The following ROBO2 variants were observed in gnomAD, a reference collection of about 807,000 sequenced individuals.
The protein encoded by ROBO2 is roundabout homolog 2.
A neutral mutation model predicts 160.8 loss-of-function variants in ROBO2; 53 were observed. The ratio of observed to expected loss-of-function variants is 0.33; its 90% CI spans 0.26 to 0.41. The LOEUF (loss-of-function observed/expected upper bound fraction) is 0.41, where lower values mean the gene tolerates loss of function less well. Ranked by LOEUF, ROBO2 falls within the 10% of genes least tolerant of loss-of-function variation. The pLI, the probability that ROBO2 is intolerant of heterozygous loss-of-function variation, is 1.00. For synonymous variants in ROBO2, 664 were observed against 611.7 expected (o/e 1.09, Z -1.26); for missense variants, 1,577 against 1,722.4 (o/e 0.92, Z 1.49).
At chr3:77,423,876 A>G (rs77531466) in intron 2 of ROBO2, among the ~76,000 whole-genome samples, 4,171 of 152,266 alleles carry the variant, frequency 0.027, 89 homozygotes, top group East Asian at 0.077. Context: ...ATTTGTATCT[A>G]TAGAGCTTAT....
chr3:76,747,616 T>C (rs963169606), intron 2 of ROBO2, among the ~76,000 whole-genome samples: 5 of 151,994 alleles, frequency 3.3e-5, no homozygotes, highest in African/African-American at 1.2e-4. Flanking sequence ...GTTAAGAATT[T>C]TAAATTTAAA....
At chr3:76,664,816 G>A (rs552815919) in intron 2 of ROBO2, among the ~76,000 whole-genome samples, 10 of 152,218 alleles carry the variant, frequency 6.6e-5, no homozygotes, top group African/African-American at 2.4e-4. Context: ...AATTAAAAGT[G>A]GTCAAAGCAA....
intron 2 of ROBO2, among the ~76,000 whole-genome samples, chr3:77,034,379 A>T (rs890334973): frequency 3.8e-5 from 3 of 79,466 alleles, no homozygotes; most frequent in African/African-American, 7.3e-5. Context: ...ATTCTTTGTT[A>T]AAAAAAAAAA....
At chr3:76,626,036 C>T (rs1015316698) in intron 2 of ROBO2, among the ~76,000 whole-genome samples, 7 of 152,064 alleles carry the variant, frequency 4.6e-5, no homozygotes, top group Admixed American at 3.9e-4. Context: ...TACTTTGCAT[C>T]AGCTTGTATT....
chr3:76,995,711 G>A (rs1265870250), intron 2 of ROBO2, among the ~76,000 whole-genome samples: 1 of 152,148 alleles, frequency 6.6e-6, no homozygotes, highest in Non-Finnish European at 1.5e-5. Flanking sequence ...GTGATGATGA[G>A]CATTTTTTCA....
chr3:77,255,247 G>C (rs989135897), intron 2 of ROBO2, among the ~76,000 whole-genome samples: 2 of 152,140 alleles, frequency 1.3e-5, no homozygotes, highest in Admixed American at 6.6e-5. Context: ...TTTCTTAAAG[G>C]CACCTGTAAA....
At chr3:77,163,675 C>G (rs565653577) in intron 2 of ROBO2, among the ~76,000 whole-genome samples, 2 of 152,264 alleles carry the variant, frequency 1.3e-5, no homozygotes, top group African/African-American at 4.8e-5. Flanking sequence ...CTCAACCTGA[C>G]TGACAATTCT....
intron 2 of ROBO2, among the ~76,000 whole-genome samples, chr3:76,014,222 G>C (rs906653538): frequency 8.2e-6 from 1 of 122,686 alleles, no homozygotes; most frequent in African/African-American, 3.7e-5. Context: ...ATGTATAAAG[G>C]CATTTGACGG....
chr3:76,563,399 T>C (rs569365447), intron 2 of ROBO2, among the ~76,000 whole-genome samples: 47 of 152,300 alleles, frequency 3.1e-4, no homozygotes, highest in African/African-American at 1.1e-3. Context: ...ACATGTTTGA[T>C]TGCTGCTTGT....
At chr3:77,443,341 G>T (rs1464902266) in intron 2 of ROBO2, among the ~76,000 whole-genome samples, 6 of 151,456 alleles carry the variant, frequency 4.0e-5, no homozygotes, top group Admixed American at 6.6e-5. Context: ...AATAAATTCA[G>T]CTTAACATGG....
At chr3:76,222,760 C>T (rs925093326) in intron 2 of ROBO2, among the ~76,000 whole-genome samples, 1 of 146,280 alleles carries the variant, frequency 6.8e-6, no homozygotes, top group Admixed American at 6.8e-5. Context: ...TTATCCCACA[C>T]TTTTTTTTTT....
At position 77,350,486 on chromosome 3, in the gene ROBO2, C is replaced by T. The variant is rs1362864728; in HGVS notation, c.389-126928C>T. On this transcript the variant is annotated intron_variant, in intron 2 of 25. Coordinates refer to ENST00000461745, the Ensembl canonical transcript of ROBO2. The stretch of plus-strand genomic sequence containing the variant: ...ATGCTCTTAACATTTCAGTGTGAAA[C>T]AAAATCAACCACTCCAGAACTTCCT... Among the ~76,000 whole-genome samples the T allele has an allele frequency of 4.6e-5, 7 of 152,258 alleles. No homozygotes were observed. In the South Asian group the frequency reaches 1.5e-3, roughly 32 times the overall value.
chr3:76,228,177 A>G (rs180743095), intron 2 of ROBO2, among the ~76,000 whole-genome samples: 2 of 152,326 alleles, frequency 1.3e-5, no homozygotes, highest in East Asian at 3.9e-4. Flanking sequence ...AGGATTCTCC[A>G]TAATATTTTC....
At chr3:76,489,396 C>G (rs566305522) in intron 2 of ROBO2, among the ~76,000 whole-genome samples, 6 of 151,962 alleles carry the variant, frequency 3.9e-5, no homozygotes, top group Non-Finnish European at 8.8e-5. Flanking sequence ...ATCCCAATAG[C>G]CTGAGCAAGC....
intron 2 of ROBO2, among the ~76,000 whole-genome samples, chr3:77,193,013 T>G (rs916641330): frequency 6.6e-6 from 1 of 152,052 alleles, no homozygotes; most frequent in Non-Finnish European, 1.5e-5. Context: ...TTTTAAAATA[T>G]GTTCACAGAA....
chr3:75,952,339 C>G (rs1948572453), intron 2 of ROBO2, among the ~76,000 whole-genome samples: 1 of 151,858 alleles, frequency 6.6e-6, no homozygotes, highest in Non-Finnish European at 1.5e-5. Context: ...TGATTTTATT[C>G]TGCTTTATAA....
chr3:76,915,593 C>A (rs3911534), intron 2 of ROBO2, among the ~76,000 whole-genome samples: 23,635 of 149,390 alleles, frequency 0.16, 1,928 homozygotes, highest in South Asian at 0.19. Flanking sequence ...TCACTTGAAC[C>A]TAGGAGGTGG....
At chr3:77,408,075 G>T (rs1021180495) in intron 2 of ROBO2, among the ~76,000 whole-genome samples, 5 of 150,454 alleles carry the variant, frequency 3.3e-5, no homozygotes, top group Non-Finnish European at 7.4e-5. Flanking sequence ...GGTAATTGGA[G>T]GGAGGATCAG....
chr3:76,074,519 A>T (rs1303297870), intron 2 of ROBO2, among the ~76,000 whole-genome samples: 3 of 152,212 alleles, frequency 2.0e-5, no homozygotes, highest in Non-Finnish European at 4.4e-5. Context: ...AGAAATGGGT[A>T]AAGAGATGGA....
Sources: gnomAD v4.1 joint callset for allele counts (sites outside exome capture counted in the v4.1 genomes callset) on GRCh38, gnomAD v4.1.1 for gene constraint, MANE v1.5 for transcripts, NCBI Gene and HGNC (gene_info 2026-07-23, HGNC 2026-07-21) for gene names.